The following AKIRIN1 variants were observed in gnomAD, a reference collection of about 807,000 sequenced individuals.
The protein encoded by AKIRIN1 is akirin 1, also known as akirin-1.
Under a neutral mutation model 25.9 loss-of-function variants are expected in AKIRIN1, and 4 were observed. The observed-to-expected ratio is 0.15, with a 90% CI of 0.08 to 0.35. The LOEUF (loss-of-function observed/expected upper bound fraction) is 0.35, where lower values mean the gene tolerates loss of function less well. Among genes scored for constraint, AKIRIN1 ranks in the 10% least tolerant of loss-of-function variants. AKIRIN1 has a pLI of 1.00. For missense variants in AKIRIN1, 243 were observed against 266.1 expected (o/e 0.91, Z 0.61); for synonymous variants, 125 against 105.1 (o/e 1.19, Z -1.16).
chr1:38,999,868 GTTTTTGT>G (rs1457086512), intron 2 of AKIRIN1, among the ~76,000 whole-genome samples: 13 of 150,538 alleles, frequency 8.6e-5, no homozygotes, highest in South Asian at 2.1e-4. Context: ...TTGTTTTTTT[GTTTTTGT>G]TTTTTGTTTT....
rs10888613 is a variant in AKIRIN1 at position 39,001,114 on chromosome 1, C to G, written c.496+8C>G. On this transcript the variant is annotated splice_region_variant and intron_variant, in intron 3 of 4. Transcript: ENST00000432648. ...TCAATACCAAACTAGCAGGTAGGCC[C>G]AGGCAGTGACTGCCATTGTCATTAA... 580,745 of 1,602,252 alleles carry G rather than the reference C, an allele frequency of 0.36. 110,966 individuals are homozygous for G. The highest frequency in any genetic ancestry group is 0.4 in the Non-Finnish European group (465,395 of 1,175,382).
At chr1:38,998,345 A>G in intron 2 of AKIRIN1, 34 bp downstream of exon 2, 1 of 1,571,632 alleles carries the variant, frequency 6.4e-7, no homozygotes, top group South Asian at 1.2e-5. Context: ...ATTCGCATTA[A>G]GAGTTTGTAA....
At position 39,001,031 on chromosome 1, in the gene AKIRIN1, T is replaced by C; in HGVS notation, c.421T>C (p.Cys141Arg). Residue 141 changes from cysteine to arginine, a missense_variant, in exon 3 of 5, where the codon TGT (cysteine) becomes CGT (arginine). By Grantham distance (180) the Cys-to-Arg change is radical (BLOSUM62 -3). This residue lies in a region of AKIRIN1 where 190 missense variants were observed against 174.4 expected (regional missense o/e 1.09). Coordinates refer to ENST00000432648, the MANE Select transcript of AKIRIN1 (RefSeq NM_024595.3). ...TACCCTCCGACAAGTTGGCATAATA[T>C]GTGAGCGCCTCTTAAAAGACTATGA... ...TFTLRQVGIICERLLKDYEDK... is the reference protein window; with the variant it reads ...TFTLRQVGIIRERLLKDYEDK... 3 of 1,613,952 alleles carry C rather than the reference T, an allele frequency of 1.9e-6. No homozygotes were observed. The highest frequency in any genetic ancestry group is 2.5e-6 in the Non-Finnish European group (3 of 1,179,942).
chr1:38,992,087 A>C (rs1203922742), intron 1 of AKIRIN1, among the ~76,000 whole-genome samples: 1 of 151,996 alleles, frequency 6.6e-6, no homozygotes, highest in Non-Finnish European at 1.5e-5. Context: ...AGAAGTCTTT[A>C]GGAACCCAGA....
chr1:38,991,866 C>T (rs1406320080), intron 1 of AKIRIN1, among the ~76,000 whole-genome samples: 1 of 152,070 alleles, frequency 6.6e-6, no homozygotes, highest in East Asian at 1.9e-4. Flanking sequence ...GATGGGAATA[C>T]CTCTGGCCGC....
chr1:38,994,313 T>G (rs561219156), intron 1 of AKIRIN1, among the ~76,000 whole-genome samples: 4 of 152,300 alleles, frequency 2.6e-5, no homozygotes, highest in African/African-American at 9.6e-5. Context: ...TATGGTACTT[T>G]TTGTGGAAAG....
chr1:38,992,124 A>G (rs1643910753), intron 1 of AKIRIN1, among the ~76,000 whole-genome samples: 1 of 152,156 alleles, frequency 6.6e-6, no homozygotes, highest in Non-Finnish European at 1.5e-5. Context: ...ACGGAATCCG[A>G]TTTCAACCTG....
intron 1 of AKIRIN1, 98 bp downstream of exon 1, chr1:38,991,698 A>G (rs906068694): frequency 5.1e-6 from 6 of 1,170,100 alleles, no homozygotes; most frequent in Non-Finnish European, 6.5e-6. Flanking sequence ...CAGTTTACCC[A>G]GGGACCCCTT....
In AKIRIN1 at chr1:38,998,194, CAAG is replaced by C. The variant is rs749697873; in HGVS notation, c.247_249del (p.Glu83del). On this transcript the variant is annotated inframe_deletion, in exon 2 of 5. Coordinates refer to ENST00000432648, the MANE Select transcript of AKIRIN1 (RefSeq NM_024595.3). ...AGAGCAAATTTTTCAGAACATAAAACAAGAATATAGTCGTTATCAGAGGTGGAG... is the reference window on the plus strand; with the variant it reads ...AGAGCAAATTTTTCAGAACATAAAACAATATAGTCGTTATCAGAGGTGGAG... The C allele has an allele frequency of 1.9e-6, 3 of 1,609,818 alleles. No homozygotes were observed. Among genetic ancestry groups the C allele is most frequent in the South Asian group, 1.1e-5 (1 of 89,956 alleles).
chr1:39,000,567 C>T (rs919494309), intron 2 of AKIRIN1, among the ~76,000 whole-genome samples: 1 of 151,540 alleles, frequency 6.6e-6, no homozygotes, highest in African/African-American at 2.4e-5. Flanking sequence ...TCAGGCTGGT[C>T]CCGAACTCCC....
Position 39,004,157 on chromosome 1 carries a change from C to T in AKIRIN1, c.*102C>T. 7.8e-7 allele frequency: 1 copy of T among 1,280,248 alleles called. No homozygotes were observed. Among genetic ancestry groups the T allele is most frequent in the South Asian group, 1.2e-5 (1 of 84,048 alleles). 79.3% of individuals were successfully genotyped at this position (1,280,248 alleles called of 1,614,324 possible). On this transcript the variant is annotated 3_prime_UTR_variant, in exon 5 of 5. Coordinates refer to ENST00000432648, the MANE Select transcript of AKIRIN1 (RefSeq NM_024595.3). ...TCACATTTCAGCTCCAACTTTGCAT[C>T]CTGAGAACACTTAAACGTTTCTGCA...
At position 38,998,182 on chromosome 1, in the gene AKIRIN1, C is replaced by G. The variant is rs1371109881; in HGVS notation, c.232C>G (p.Gln78Glu). Residue 78 changes from glutamine to glutamate, a missense_variant, in exon 2 of 5, where the codon CAG becomes GAG. By Grantham distance (29) the Gln-to-Glu change is conservative. Transcript: ENST00000432648. ...RRLPTPEQIF[Q>E]NIKQEYSRYQ... is the part of the protein sequence containing the mutation. ...TTCTTTTTTATTAGAGCAAATTTTT[C>G]AGAACATAAAACAAGAATATAGTCG... 5 of 1,604,596 alleles carry G rather than the reference C, an allele frequency of 3.1e-6. No homozygotes were observed. The East Asian group carries it at 8.9e-5, about 29-fold the overall frequency.
rs1643902270 is a variant in AKIRIN1 at position 38,991,285 on chromosome 1, G to A, written c.-96G>A. On this transcript the variant is annotated 5_prime_UTR_variant, in exon 1 of 5. Coordinates refer to ENST00000432648, the MANE Select transcript of AKIRIN1 (RefSeq NM_024595.3). ...AGCGCCGCTGCCGGGTGCTGGAGGC[G>A]CCATTGGAGCCGGCTTGGCTGGCGA... The A allele has an allele frequency of 1.6e-5, 18 of 1,098,228 alleles. No individual in the cohort carries two copies. The highest frequency in any genetic ancestry group is 1.9e-5 in the Non-Finnish European group (16 of 842,500). 68.0% of individuals were successfully genotyped at this position (1,098,228 alleles called of 1,614,324 possible). A position where few individuals can be genotyped will look rare whatever the true frequency, so the allele number is the denominator to read the frequency against.
At chr1:38,992,011 G>T (rs990007281) in intron 1 of AKIRIN1, among the ~76,000 whole-genome samples, 5 of 151,642 alleles carry the variant, frequency 3.3e-5, no homozygotes, top group African/African-American at 1.2e-4. Flanking sequence ...GGGGTGGGAT[G>T]GGGGCGGGTT....
chr1:38,991,659 GTGGTGGGGGAGGGT>G, intron 1 of AKIRIN1, 59 bp downstream of exon 1: 2 of 972,448 alleles, frequency 2.1e-6, no homozygotes, highest in Non-Finnish European at 2.7e-6. Context: ...TTTGGGGGGG[GTGGTGGGGGAGGGT>G]TGGGAATACC....
In AKIRIN1 at chr1:39,005,144, A is replaced by G. The variant is rs1644024806; in HGVS notation, c.*1089A>G. ...AATATGGTGAAACCCCATCTCTACT[A>G]AAAATACAACAAAGTTAGCCGGGCG... On this transcript the variant is annotated 3_prime_UTR_variant, in exon 5 of 5. Transcript: ENST00000432648. 1 of 152,128 alleles carries G rather than the reference A, an allele frequency of 6.6e-6. No homozygotes were observed. Among genetic ancestry groups the G allele is most frequent in the Non-Finnish European group, 1.5e-5 (1 of 68,038 alleles). 9.4% of individuals were successfully genotyped at this position (152,128 alleles called of 1,614,324 possible).
At position 38,991,887 on chromosome 1, in the gene AKIRIN1, C is replaced by A. The variant is rs548900201; in HGVS notation, c.220+287C>A. On this transcript the variant is annotated intron_variant, in intron 1 of 4. Transcript: ENST00000432648. ...AATACCTCTGGCCGCTCCGGGCCCT[C>A]CCTGTCGCTGAAGCCCCTCCTTCCT... 1.6e-3 allele frequency among the ~76,000 whole-genome samples: 242 copies of A among 152,200 alleles called. 2 individuals carry two copies. The highest frequency in any genetic ancestry group is 2.7e-3 in the Non-Finnish European group (184 of 67,990).
In AKIRIN1 at chr1:38,994,002, G is replaced by A. The variant is rs1006687203; in HGVS notation, c.220+2402G>A. On this transcript the variant is annotated intron_variant, in intron 1 of 4. Transcript: ENST00000432648. The stretch of plus-strand genomic sequence containing the variant: ...GGAGAATCGCTTGAACCTGGGAGGC[G>A]GAGATTGCGGTAAGCCGAGATCCGG... 5.9e-5 allele frequency among the ~76,000 whole-genome samples: 9 copies of A among 151,704 alleles called. No individual in the cohort carries two copies. In the South Asian group the frequency reaches 1.3e-3, roughly 21 times the overall value.
Position 38,991,566 on chromosome 1 carries a change from C to G in AKIRIN1, c.186C>G (p.Ala62=), listed in dbSNP as rs940344021. 4.4e-6 allele frequency: 6 copies of G among 1,374,254 alleles called. No homozygotes were observed. In the African/African-American group the frequency reaches 9.1e-5, roughly 21 times the overall value. 85.1% of individuals were successfully genotyped at this position (1,374,254 alleles called of 1,614,324 possible). A position where few individuals can be genotyped will look rare whatever the true frequency, so the allele number is the denominator to read the frequency against. ...QTPPQSLQQP[A]PPGSERRLPT... is the part of the protein sequence containing the mutation. ...CACCGCAGAGTCTGCAGCAGCCCGC[C>G]CCGCCCGGCAGCGAGCGGCGCCTTC... is the stretch of plus-strand genomic sequence containing the variant. Residue 62 remains alanine, a synonymous_variant, in exon 1 of 5, where the codon GCC becomes GCG. Transcript: ENST00000432648.
Sources: allele counts gnomAD v4.1 joint callset (sites outside exome capture counted in the v4.1 genomes callset), GRCh38; gene constraint gnomAD v4.1.1; regional missense constraint gnomAD v4.1.1; transcripts MANE v1.5; gene names NCBI Gene and HGNC (gene_info 2026-07-23, HGNC 2026-07-21).